PDSS2: variants seen among roughly 807,000 people sequenced by gnomAD.
PDSS2 encodes decaprenyl diphosphate synthase subunit 2.
Under a neutral mutation model 44.5 loss-of-function variants are expected in PDSS2, and 31 were observed. That is an observed-to-expected ratio of 0.70 (90% CI 0.52 to 0.94). The LOEUF (loss-of-function observed/expected upper bound fraction) is 0.94, where lower values mean the gene tolerates loss of function less well. PDSS2 is among the 40% of genes least tolerant of loss of function. The probability of loss-of-function intolerance (pLI) is 0.00; values close to 1 mark genes in which losing one functional copy is unlikely to be tolerated. For missense variants in PDSS2, 452 were observed against 482.2 expected, an observed-to-expected ratio of 0.94 and a Z score of 0.59; for synonymous variants, 157 against 180.3, an observed-to-expected ratio of 0.87 and a Z score of 1.03.
At chr6:107,212,933 G>A (rs1055580456) in intron 4 of PDSS2, among the ~76,000 whole-genome samples, 12 of 152,032 alleles carry the variant, frequency 7.9e-5, no homozygotes, top group Non-Finnish European at 7.4e-5. Flanking sequence ...GAGCCCAGGA[G>A]TTCAAGGTTA....
chr6:107,357,479 T>C (rs1239794917), intron 1 of PDSS2, among the ~76,000 whole-genome samples: 2 of 150,944 alleles, frequency 1.3e-5, no homozygotes, highest in Admixed American at 6.6e-5. Context: ...AGCTTTCCTA[T>C]TAAACTTTAT....
chr6:107,367,162 C>CA (rs1203924266), intron 1 of PDSS2, among the ~76,000 whole-genome samples: 1 of 152,052 alleles, frequency 6.6e-6, no homozygotes, highest in East Asian at 1.9e-4. Flanking sequence ...CCCAGGGATG[C>CA]AAAATCAAGT....
intron 4 of PDSS2, among the ~76,000 whole-genome samples, chr6:107,218,396 G>A (rs992764392): frequency 4.6e-5 from 7 of 152,204 alleles, no homozygotes; most frequent in African/African-American, 1.7e-4. Context: ...CTCTCTAGAC[G>A]TTTGCATGGC....
intron 3 of PDSS2, among the ~76,000 whole-genome samples, chr6:107,270,981 C>T (rs1775580225): frequency 6.6e-6 from 1 of 152,166 alleles, no homozygotes; most frequent in South Asian, 2.1e-4. Flanking sequence ...TATTGCTTCC[C>T]TTTTCCTATA....
chr6:107,174,987 G>A (rs989963292), intron 7 of PDSS2, among the ~76,000 whole-genome samples: 1 of 152,110 alleles, frequency 6.6e-6, no homozygotes, highest in Admixed American at 6.6e-5. Flanking sequence ...GGCCAAGGTG[G>A]GTGGATCATG....
chr6:107,355,045 G>T (rs780732995), intron 1 of PDSS2, among the ~76,000 whole-genome samples: 12 of 151,918 alleles, frequency 7.9e-5, no homozygotes, highest in Non-Finnish European at 1.5e-4. Context: ...CAATTCTCCT[G>T]CCTCAGCCTC....
intron 1 of PDSS2, among the ~76,000 whole-genome samples, chr6:107,364,999 T>C (rs1262035612): frequency 6.6e-6 from 1 of 152,036 alleles, no homozygotes; most frequent in African/African-American, 2.4e-5. Flanking sequence ...AAACTTTCCT[T>C]CAAAAATAAA....
intron 7 of PDSS2, among the ~76,000 whole-genome samples, chr6:107,174,574 T>G (rs1367721502): frequency 6.6e-6 from 1 of 152,142 alleles, no homozygotes; most frequent in Non-Finnish European, 1.5e-5. Flanking sequence ...AGCTTCTGAG[T>G]GGCAAGACTT....
chr6:107,337,039 CCACACACACACACACACA>C (rs71861456), intron 1 of PDSS2, among the ~76,000 whole-genome samples: 1 of 141,496 alleles, frequency 7.1e-6, no homozygotes, highest in African/African-American at 2.7e-5. Flanking sequence ...CTTTCACATA[CCACACACACACACACACA>C]CACACACACA....
chr6:107,176,345 C>T (rs1376947807), intron 7 of PDSS2, among the ~76,000 whole-genome samples: 2 of 151,714 alleles, frequency 1.3e-5, no homozygotes, highest in Non-Finnish European at 2.9e-5. Flanking sequence ...CCGGCCAAAA[C>T]ATGTCTATTT....
rs529199729 is a variant in PDSS2, at chr6:107,334,672, C to G, written c.297-340G>C. The stretch of plus-strand genomic sequence containing the variant: ...CCTCCCACCTCAGTCTCCCTAGTAG[C>G]TGGAACTTTAGGTATGCACCACGAT... On this transcript the variant is annotated intron_variant, in intron 1 of 7. Transcript: ENST00000369037. 2.0e-5 allele frequency among the ~76,000 whole-genome samples: 3 copies of G among 147,522 alleles called. No homozygotes were observed. In the East Asian group the frequency reaches 6.0e-4, roughly 29 times the overall value.
chr6:107,301,507 C>A (rs1348125910), intron 2 of PDSS2, among the ~76,000 whole-genome samples: 5 of 152,150 alleles, frequency 3.3e-5, no homozygotes, highest in Non-Finnish European at 7.3e-5. Context: ...CTGTAGCTGT[C>A]ATTTATATAC....
intron 7 of PDSS2, among the ~76,000 whole-genome samples, chr6:107,163,614 CT>C (rs1208855462): frequency 1.5e-5 from 2 of 130,444 alleles, no homozygotes; most frequent in Non-Finnish European, 3.3e-5. Context: ...TTTTTTTTTT[CT>C]TTTTTGAGAC....
At chr6:107,429,218 T>C (rs747146521) in intron 1 of PDSS2, among the ~76,000 whole-genome samples, 1 of 152,204 alleles carries the variant, frequency 6.6e-6, no homozygotes, top group African/African-American at 2.4e-5. Flanking sequence ...AGATGCCTTA[T>C]TTCCTGTGGC....
At chr6:107,223,296 G>A (rs1175240918) in intron 4 of PDSS2, among the ~76,000 whole-genome samples, 2 of 150,582 alleles carry the variant, frequency 1.3e-5, no homozygotes, top group Admixed American at 6.6e-5. Flanking sequence ...TTGGGAGGCC[G>A]AGGTGGGCAG....
At position 107,245,540 on chromosome 6, in the gene PDSS2, T is replaced by C; in HGVS notation, c.702+8A>G. On this transcript the variant is annotated splice_region_variant and intron_variant, in intron 4 of 7. Coordinates refer to ENST00000369037, the MANE Select transcript of PDSS2 (RefSeq NM_020381.4). ...AACATAACATTTTATGACTCTGAAA[T>C]CCTTTACCTTTGAAGTAGAATTTTC... The C allele has an allele frequency of 6.7e-7, 1 of 1,493,046 alleles. No individual in the cohort carries two copies. The highest frequency in any genetic ancestry group is 1.2e-5 in the South Asian group (1 of 85,180). The allele number at this position is 1,493,046 out of a possible 1,614,324, so 92.5% of individuals were successfully genotyped here.
chr6:107,322,376 G>A (rs533184130), intron 2 of PDSS2, among the ~76,000 whole-genome samples: 101 of 152,050 alleles, frequency 6.6e-4, no homozygotes, highest in African/African-American at 2.0e-3. Context: ...AAAAATAGCC[G>A]GGCATGAAGG....
chr6:107,336,668 A>AT (rs937984814), intron 1 of PDSS2, among the ~76,000 whole-genome samples: 3 of 151,050 alleles, frequency 2.0e-5, no homozygotes, highest in South Asian at 2.1e-4. Flanking sequence ...AGCTTTTTAA[A>AT]TTTTTTTTTG....
chr6:107,176,336 C>T (rs1410801700), intron 7 of PDSS2, among the ~76,000 whole-genome samples: 3 of 151,924 alleles, frequency 2.0e-5, no homozygotes, highest in East Asian at 1.9e-4. Context: ...CCCCTGCGCC[C>T]GGCCAAAACA....
Sources: gnomAD v4.1 joint callset for allele counts (sites outside exome capture counted in the v4.1 genomes callset) on GRCh38, gnomAD v4.1.1 for gene constraint, MANE v1.5 for transcripts, NCBI Gene and HGNC (gene_info 2026-07-23, HGNC 2026-07-21) for gene names.